ERCC6L2: variants seen among roughly 807,000 people sequenced by gnomAD.
The protein encoded by ERCC6L2 is DNA excision repair protein ERCC-6-like 2.
A neutral mutation model predicts 132.0 loss-of-function variants in ERCC6L2; 77 were observed. The ratio of observed to expected loss-of-function variants is 0.58; its 90% CI spans 0.49 to 0.71. The LOEUF is 0.71. Ranked by LOEUF, ERCC6L2 falls within the 30% of genes least tolerant of loss-of-function variation. The probability of loss-of-function intolerance (pLI) is 0.00; values close to 1 mark genes in which losing one functional copy is unlikely to be tolerated. For missense variants in ERCC6L2, 1,542 were observed against 1,837.6 expected (o/e 0.84, Z 2.94); for synonymous variants, 583 against 632.4 (o/e 0.92, Z 1.17).
chr9:95,906,974 T>C, intron 3 of ERCC6L2, 104 bp from the exon 4 acceptor site: 1 of 751,956 alleles, frequency 1.3e-6, no homozygotes, highest in African/African-American at 1.8e-5. Flanking sequence ...TAACTAGATG[T>C]CAAAATTAAG....
At chr9:95,914,817 A>G (rs183460481) in intron 4 of ERCC6L2, among the ~76,000 whole-genome samples, 12 of 152,322 alleles carry the variant, frequency 7.9e-5, no homozygotes, top group African/African-American at 2.4e-4. Flanking sequence ...TTAATTGACT[A>G]TAAGTTTTGT....
chr9:95,943,507 C>T (rs923737484), intron 12 of ERCC6L2, among the ~76,000 whole-genome samples: 8 of 152,024 alleles, frequency 5.3e-5, no homozygotes, highest in Non-Finnish European at 1.0e-4. Flanking sequence ...ACTCAACATT[C>T]TACGTTTTAA....
chr9:95,962,653 G>C (rs911137103), intron 13 of ERCC6L2, among the ~76,000 whole-genome samples: 1 of 152,184 alleles, frequency 6.6e-6, no homozygotes, highest in Admixed American at 6.5e-5. Flanking sequence ...AGCTATTTCT[G>C]TGTGACAGAC....
At chr9:96,035,103 C>T (rs536624251) in intron 19 of ERCC6L2, among the ~76,000 whole-genome samples, 2 of 152,302 alleles carry the variant, frequency 1.3e-5, no homozygotes, top group African/African-American at 2.4e-5. Flanking sequence ...TCTGATCCTA[C>T]TGCCTGTCCA....
chr9:96,025,177 G>C (rs1485773773), intron 19 of ERCC6L2, among the ~76,000 whole-genome samples: 1 of 152,138 alleles, frequency 6.6e-6, no homozygotes, highest in East Asian at 1.9e-4. Flanking sequence ...ATGGATGTCA[G>C]GCTGGTTTCA....
chr9:95,996,091 C>T (rs1011168622), intron 17 of ERCC6L2, among the ~76,000 whole-genome samples: 4 of 152,186 alleles, frequency 2.6e-5, no homozygotes, highest in Non-Finnish European at 5.9e-5. Context: ...TGCCTAACAG[C>T]CAAGTTGTGA....
At chr9:95,896,391 T>G (rs1277977964) in intron 2 of ERCC6L2, among the ~76,000 whole-genome samples, 1 of 149,838 alleles carries the variant, frequency 6.7e-6, no homozygotes, top group African/African-American at 2.4e-5. Context: ...TTTGTTTGTT[T>G]GTTTGTTTGT....
chr9:96,004,947 C>A, intron 18 of ERCC6L2: 1 of 324,410 alleles, frequency 3.1e-6, no homozygotes, highest in Non-Finnish European at 6.0e-6. Context: ...GCATTTTATT[C>A]ATTCAGTCAA....
chr9:95,885,125 AT>A (rs1159761675), intron 2 of ERCC6L2, among the ~76,000 whole-genome samples: 3 of 152,184 alleles, frequency 2.0e-5, no homozygotes, highest in Non-Finnish European at 4.4e-5. Context: ...TTTGTCAAAG[AT>A]TATGAACTAA....
chr9:95,906,581 T>C (rs974221673), intron 3 of ERCC6L2: 24 of 446,766 alleles, frequency 5.4e-5, no homozygotes, highest in Non-Finnish European at 1.3e-5. Flanking sequence ...TTGCTTCAAT[T>C]TTCCAGTGAA....
rs372491749 is a variant in ERCC6L2 at position 96,004,704 on chromosome 9, A to G, written c.3674+3A>G. On this transcript the variant is annotated splice_donor_region_variant and intron_variant, in intron 18 of 18. Coordinates refer to ENST00000653738, the MANE Select transcript of ERCC6L2 (RefSeq NM_020207.7). Reference sequence around the variant, plus strand: ...GAAACACCAAAAGGAATCCGCAGGTATATTGTCTCTGACAATACTATACTT... The same window carrying G: ...GAAACACCAAAAGGAATCCGCAGGTGTATTGTCTCTGACAATACTATACTT... 1.7e-4 allele frequency: 231 copies of G among 1,332,994 alleles called. 1 individual carries two copies. Among genetic ancestry groups the G allele is most frequent in the Non-Finnish European group, 2.1e-4 (209 of 1,001,770 alleles). 82.6% of individuals were successfully genotyped at this position (1,332,994 alleles called of 1,614,324 possible).
chr9:95,909,440 T>C (rs1287805786), intron 4 of ERCC6L2, among the ~76,000 whole-genome samples: 1 of 152,208 alleles, frequency 6.6e-6, no homozygotes, highest in Non-Finnish European at 1.5e-5. Context: ...ACTTTTCTTT[T>C]ACCTCTTTAC....
intron 17 of ERCC6L2, among the ~76,000 whole-genome samples, chr9:95,984,209 T>C (rs1290347964): frequency 1.3e-5 from 2 of 149,560 alleles, no homozygotes; most frequent in African/African-American, 2.4e-5. Flanking sequence ...CTCTAACATG[T>C]ATATGGATAA....
rs184318971 is a variant in ERCC6L2 at position 96,014,218 on chromosome 9, C to T, written c.*1015C>T. ...GCTGTAGGCAGGACCTGAGCTGCCT[C>T]CGCTGCAGGTTCAGATGCACCGCTG... On this transcript the variant is annotated 3_prime_UTR_variant, in exon 19 of 19. Coordinates refer to ENST00000653738, the MANE Select transcript of ERCC6L2 (RefSeq NM_020207.7). 6.6e-6 allele frequency: 1 copy of T among 152,338 alleles called. No individual in the cohort carries two copies. The highest frequency in any genetic ancestry group is 2.4e-5 in the African/African-American group (1 of 41,574). The allele number at this position is 152,338 out of a possible 1,614,324, so 9.4% of individuals were successfully genotyped here.
intron 12 of ERCC6L2, among the ~76,000 whole-genome samples, chr9:95,949,391 A>T (rs1028725838): frequency 6.6e-6 from 1 of 152,196 alleles, no homozygotes; most frequent in African/African-American, 2.4e-5. Flanking sequence ...AGTGAGATCC[A>T]CACTGTGGCA....
Position 95,966,558 on chromosome 9 carries a change from T to G in ERCC6L2, c.1948-4T>G, listed in dbSNP as rs1832167138. ...AAAAATGTCTTGTGTTTTTTCTGTT[T>G]TAGCAACTTCACTGTGTGGTGGTTG... is the stretch of plus-strand genomic sequence containing the variant. On this transcript the variant is annotated splice_polypyrimidine_tract_variant and splice_region_variant and intron_variant, in intron 13 of 18. Coordinates refer to ENST00000653738, the MANE Select transcript of ERCC6L2 (RefSeq NM_020207.7). 1 of 1,461,508 alleles carries G rather than the reference T, an allele frequency of 6.8e-7. No homozygotes were observed. The highest frequency in any genetic ancestry group is 2.4e-5 in the East Asian group (1 of 42,106). 90.5% of individuals were successfully genotyped at this position (1,461,508 alleles called of 1,614,324 possible).
intron 2 of ERCC6L2, among the ~76,000 whole-genome samples, chr9:95,883,893 AC>A (rs1193172423): frequency 6.6e-6 from 1 of 152,206 alleles, no homozygotes; most frequent in Non-Finnish European, 1.5e-5. Context: ...GGTACTACAT[AC>A]AAAAAGTGAT....
chr9:96,021,114 C>T, downstream of ERCC6L2: 1 of 405,054 alleles, frequency 2.5e-6, no homozygotes, highest in Non-Finnish European at 4.9e-6. The surrounding 1 kb of genome is among the most constrained non-coding windows in gnomAD (Gnocchi z 4.7). Flanking sequence ...GCGCCCATTA[C>T]TCTCAGGCGT....
rs771482631 is a variant in ERCC6L2, at chr9:95,928,770, C to T, written c.1657C>T (p.Arg553Ter). The T allele has an allele frequency of 2.1e-5, 34 of 1,613,088 alleles. No individual in the cohort carries two copies. The highest frequency in any genetic ancestry group is 2.6e-5 in the Non-Finnish European group (31 of 1,179,582). Residue 553 changes from arginine (R) to a stop codon, truncating the protein, a stop_gained, in exon 11 of 19, where the codon CGA becomes TGA. Coordinates refer to ENST00000653738, the MANE Select transcript of ERCC6L2 (RefSeq NM_020207.7). LOFTEE classifies it high-confidence loss of function. ...TATGGCGTCTGGGCTTGATTACCGA[C>T]GACTTGATGGAAGTACAAAATCAGA... ...YCMASGLDYR[R>*]LDGSTKSEER...
Sources: allele counts gnomAD v4.1 joint callset (sites outside exome capture counted in the v4.1 genomes callset), GRCh38; gene constraint gnomAD v4.1.1; non-coding constraint Gnocchi (gnomAD v3.1); transcripts MANE v1.5; gene names NCBI Gene and HGNC (gene_info 2026-07-23, HGNC 2026-07-21).